ATF6: variants seen among roughly 807,000 people sequenced by gnomAD.
ATF6 encodes activating transcription factor 6.
In ATF6, 53 loss-of-function variants were observed where a neutral mutation model predicts 83.6. The observed-to-expected ratio is 0.63, with a 90% CI of 0.51 to 0.80. The LOEUF (loss-of-function observed/expected upper bound fraction) is 0.80. ATF6 is among the 30% of genes least tolerant of loss of function. The pLI is 0.00. For missense variants in ATF6, 744 were observed against 797.9 expected (o/e 0.93, Z 0.81); for synonymous variants, 288 against 285.8 (o/e 1.01, Z -0.08).
chr1:161,805,520 T>C (rs544381294), intron 7 of ATF6, among the ~76,000 whole-genome samples: 103 of 152,156 alleles, frequency 6.8e-4, no homozygotes, highest in Non-Finnish European at 1.2e-3. Flanking sequence ...GAATGTTTAT[T>C]TCAAGTAAAG....
At chr1:161,940,559 C>CT (rs71301060) in intron 15 of ATF6, among the ~76,000 whole-genome samples, 5,312 of 118,336 alleles carry the variant, frequency 0.045, 311 homozygotes, top group African/African-American at 0.11. Flanking sequence ...TCCTTCAGAT[C>CT]TTTTTTTTTT....
At chr1:161,776,116 T>C (rs963706931) in intron 1 of ATF6, among the ~76,000 whole-genome samples, 2 of 152,198 alleles carry the variant, frequency 1.3e-5, no homozygotes, top group Admixed American at 6.5e-5. Context: ...CTGTGAGAAA[T>C]CTGACTCCAA....
At chr1:161,789,309 C>T (rs1684826523) in intron 4 of ATF6, among the ~76,000 whole-genome samples, 1 of 133,846 alleles carries the variant, frequency 7.5e-6, no homozygotes, top group Non-Finnish European at 1.5e-5. Context: ...TCACTACCAG[C>T]TTCTCAGTAC....
At chr1:161,767,176 T>C (rs1023388974) in intron 1 of ATF6, among the ~76,000 whole-genome samples, 5 of 152,180 alleles carry the variant, frequency 3.3e-5, no homozygotes, top group Non-Finnish European at 5.9e-5. Context: ...GTAATATTGT[T>C]CTTAGGTTCC....
intron 6 of ATF6, among the ~76,000 whole-genome samples, chr1:161,796,039 G>C (rs1441015288): frequency 6.6e-6 from 1 of 152,182 alleles, no homozygotes; most frequent in Non-Finnish European, 1.5e-5. Flanking sequence ...GCAGTGGCTT[G>C]GTAGGACTCA....
intron 14 of ATF6, among the ~76,000 whole-genome samples, chr1:161,881,370 C>T (rs555307311): frequency 6.6e-6 from 1 of 152,244 alleles, no homozygotes; most frequent in East Asian, 1.9e-4. Flanking sequence ...GGATGCCGAA[C>T]TAAGGGTCTC....
At position 161,958,760 on chromosome 1, in the gene ATF6, G is replaced by T; in HGVS notation, c.*106G>T. On this transcript the variant is annotated 3_prime_UTR_variant, in exon 16 of 16. Coordinates refer to ENST00000367942, the MANE Select transcript of ATF6 (RefSeq NM_007348.4). Reference sequence around the variant, plus strand: ...TTGGTGGCAGGCAGAGAACTGTCTCGTACTAGAATTCAAGGAGGAAAGAAG... The same window carrying T: ...TTGGTGGCAGGCAGAGAACTGTCTCTTACTAGAATTCAAGGAGGAAAGAAG... 2 of 926,548 alleles carry T rather than the reference G, an allele frequency of 2.2e-6. No individual in the cohort carries two copies. The highest frequency in any genetic ancestry group is 3.2e-6 in the Non-Finnish European group (2 of 631,782). The allele number at this position is 926,548 out of a possible 1,614,324, so 57.4% of individuals were successfully genotyped here.
chr1:161,861,296 AT>A (rs769046159), intron 13 of ATF6, among the ~76,000 whole-genome samples: 1 of 151,916 alleles, frequency 6.6e-6, no homozygotes, highest in Non-Finnish European at 1.5e-5. Flanking sequence ...TGAGAAAAAA[AT>A]ATAGATAGAT....
intron 15 of ATF6, among the ~76,000 whole-genome samples, chr1:161,926,371 ATC>A (rs975537896): frequency 1.3e-5 from 2 of 152,088 alleles, no homozygotes; most frequent in African/African-American, 4.8e-5. Context: ...CTGCTTCCGG[ATC>A]TCTCTTGAGA....
At chr1:161,913,099 T>C (rs951176608) in intron 15 of ATF6, among the ~76,000 whole-genome samples, 1 of 152,184 alleles carries the variant, frequency 6.6e-6, no homozygotes, top group African/African-American at 2.4e-5. Context: ...TTGTGGATTA[T>C]AAATGAGCAC....
At position 161,821,170 on chromosome 1, in the gene ATF6, A is replaced by G; in HGVS notation, c.1187+9A>G. 6.4e-7 allele frequency: 1 copy of G among 1,556,892 alleles called. No individual in the cohort carries two copies. On this transcript the variant is annotated intron_variant, in intron 9 of 15. Transcript: ENST00000367942. ...AACTATGGACCTATGAGGTAAGTGA[A>G]TAGATATTTATTTTGGACACTAATG...
intron 6 of ATF6, among the ~76,000 whole-genome samples, chr1:161,795,421 A>G (rs961679143): frequency 6.6e-6 from 1 of 152,182 alleles, no homozygotes; most frequent in African/African-American, 2.4e-5. Context: ...GTATGTTTCT[A>G]TGATTTATGG....
intron 1 of ATF6, among the ~76,000 whole-genome samples, chr1:161,772,078 C>T (rs530617666): frequency 6.6e-6 from 1 of 152,292 alleles, no homozygotes; most frequent in East Asian, 1.9e-4. Flanking sequence ...ATTCCAGTTT[C>T]AATAGTTGTT....
intron 15 of ATF6, among the ~76,000 whole-genome samples, chr1:161,936,483 T>C (rs1305551122): frequency 1.3e-5 from 2 of 152,182 alleles, no homozygotes; most frequent in African/African-American, 4.8e-5. Context: ...TTTAAGTTAT[T>C]TTAAAATGTT....
In ATF6 at chr1:161,846,564, C is replaced by G; in HGVS notation, c.1303C>G (p.Gln435Glu). 6.2e-7 allele frequency: 1 copy of G among 1,602,994 alleles called. No homozygotes were observed. The highest frequency in any genetic ancestry group is 8.5e-7 in the Non-Finnish European group (1 of 1,174,544). Residue 435 changes from glutamine to glutamate, a missense_variant, in exon 10 of 16, where the codon CAG becomes GAG. Coordinates refer to ENST00000367942, the MANE Select transcript of ATF6 (RefSeq NM_007348.4). ...EAQDTSDGII[Q>E]KNSYRYDHSV... ...ACAGGACACATCAGATGGTATTATCCAGAAAAACAGCTACAGGTAAGATGG... is the reference window on the plus strand; with the variant it reads ...ACAGGACACATCAGATGGTATTATCGAGAAAAACAGCTACAGGTAAGATGG...
At chr1:161,862,121 G>A (rs1478666778) in intron 13 of ATF6, among the ~76,000 whole-genome samples, 1 of 152,168 alleles carries the variant, frequency 6.6e-6, no homozygotes, top group Non-Finnish European at 1.5e-5. Flanking sequence ...TTTCCCCCAG[G>A]AGGATGGTTT....
chr1:161,926,348 T>G (rs1688308226), intron 15 of ATF6, among the ~76,000 whole-genome samples: 1 of 152,162 alleles, frequency 6.6e-6, no homozygotes, highest in Non-Finnish European at 1.5e-5. Flanking sequence ...AGGGCCAGCT[T>G]AGCAGGGTGA....
intron 14 of ATF6, among the ~76,000 whole-genome samples, chr1:161,901,949 T>A (rs1196296896): frequency 2.6e-5 from 4 of 152,204 alleles, no homozygotes; most frequent in Admixed American, 6.5e-5. Context: ...CTTCTAAATA[T>A]GAACATATTT....
intron 9 of ATF6, among the ~76,000 whole-genome samples, chr1:161,832,457 C>T (rs1557984762): frequency 1.3e-5 from 2 of 152,162 alleles, no homozygotes; most frequent in Non-Finnish European, 2.9e-5. Flanking sequence ...CAGGGTGAGG[C>T]ATTGCCTCAC....
Sources: gnomAD v4.1 joint callset for allele counts (sites outside exome capture counted in the v4.1 genomes callset) on GRCh38, gnomAD v4.1.1 for gene constraint, MANE v1.5 for transcripts, NCBI Gene and HGNC (gene_info 2026-07-23, HGNC 2026-07-21) for gene names.